Variants in ZEB2 observed in about 807,000 individuals in gnomAD.
ZEB2 encodes the protein zinc finger E-box binding homeobox 2, also known as zinc finger E-box-binding homeobox 2.
A neutral mutation model predicts 99.9 loss-of-function variants in ZEB2; 6 were observed. That is an observed-to-expected ratio of 0.06 (90% confidence interval 0.03 to 0.12). ZEB2 has a LOEUF of 0.12. Ranked by LOEUF, ZEB2 falls within the 10% of genes least tolerant of loss-of-function variation. The pLI, the probability that ZEB2 is intolerant of heterozygous loss-of-function variation, is 1.00. For synonymous variants in ZEB2, 517 were observed against 542.5 expected, an observed-to-expected ratio of 0.95 and a Z score of 0.65; for missense variants, 969 against 1,502.8, an observed-to-expected ratio of 0.64 and a Z score of 5.87.
intron 2 of ZEB2, among the ~76,000 whole-genome samples, chr2:144,499,435 C>T (rs183133053): frequency 1.2e-4 from 19 of 152,194 alleles, no homozygotes; most frequent in South Asian, 1.0e-3. Flanking sequence ...GCCAATAGAA[C>T]GCTTGAAATA....
At chr2:144,449,168 C>T (rs1037132643) in intron 2 of ZEB2, among the ~76,000 whole-genome samples, 15 of 152,186 alleles carry the variant, frequency 9.9e-5, no homozygotes, top group Non-Finnish European at 1.5e-4. Context: ...GGCAGCATCT[C>T]GTCCTGCAAA....
intron 2 of ZEB2, among the ~76,000 whole-genome samples, chr2:144,487,421 A>T (rs1704613927): frequency 6.6e-6 from 1 of 152,216 alleles, no homozygotes; most frequent in Admixed American, 6.5e-5. Flanking sequence ...TGAAAAGCTT[A>T]AAAAGATTGA....
intron 6 of ZEB2, among the ~76,000 whole-genome samples, chr2:144,402,527 G>C (rs1703327442): frequency 6.6e-6 from 1 of 152,122 alleles, no homozygotes; most frequent in African/African-American, 2.4e-5. Flanking sequence ...GCCCTCAGAG[G>C]ACTACTATAA....
chr2:144,389,506 C>G lies in ZEB2; in HGVS notation c.3590G>C (p.Gly1197Ala). 1.9e-6 allele frequency: 3 copies of G among 1,614,090 alleles called. No homozygotes were observed. The highest frequency in any genetic ancestry group is 2.5e-6 in the Non-Finnish European group (3 of 1,180,032). The part of the protein sequence containing the change: ...DHSMDDSSED[G>A]KMETKSDHEE... ...GTGGTCTGATTTGGTTTCCATTTTC[C>G]CATCCTCCGAACTATCGTCCATGGA... Residue 1197 changes from glycine (G) to alanine (A), a missense_variant, in exon 10 of 10, where the codon GGG (glycine) becomes GCG (alanine). Gly to Ala is a moderately conservative substitution (Grantham distance 60, BLOSUM62 0). Around this residue, in one of 8 missense-constraint regions of ZEB2, gnomAD observed 121 missense variants for 166.4 expected, o/e 0.73. Transcript: ENST00000627532. The surrounding 1 kb of genome is among the most constrained non-coding windows in gnomAD (Gnocchi z 6.8).
chr2:144,415,694 CTTTG>C (rs1226953897), intron 4 of ZEB2, among the ~76,000 whole-genome samples: 1 of 152,196 alleles, frequency 6.6e-6, no homozygotes, highest in East Asian at 1.9e-4. Flanking sequence ...TCATTTATTT[CTTTG>C]TTTATTTATT....
intron 4 of ZEB2, among the ~76,000 whole-genome samples, chr2:144,418,445 T>G (rs1170345917): frequency 6.6e-6 from 1 of 152,122 alleles, no homozygotes; most frequent in Non-Finnish European, 1.5e-5. Flanking sequence ...TCCCAGCACT[T>G]TGGGAGGCTG....
At chr2:144,478,540 T>A (rs1314199989) in intron 2 of ZEB2, among the ~76,000 whole-genome samples, 10 of 152,234 alleles carry the variant, frequency 6.6e-5, no homozygotes, top group Non-Finnish European at 1.5e-4. Flanking sequence ...GGCTACCAAG[T>A]TAATTCCTGA....
chr2:144,420,673 A>G (rs1011236235), intron 4 of ZEB2, among the ~76,000 whole-genome samples: 5 of 152,176 alleles, frequency 3.3e-5, no homozygotes, highest in African/African-American at 1.2e-4. Flanking sequence ...AGAGATGACC[A>G]CATTAAGGAA....
intron 4 of ZEB2, among the ~76,000 whole-genome samples, chr2:144,413,352 G>A (rs1177781198): frequency 6.6e-6 from 1 of 152,168 alleles, no homozygotes. Context: ...ATTTCTTGTG[G>A]GAACACTTGC....
chr2:144,517,825 T>C, intron 1 of ZEB2: 1 of 582,166 alleles, frequency 1.7e-6, no homozygotes. Flanking sequence ...TCATCTTTTC[T>C]CATCCCCCCA....
At chr2:144,429,623 C>G in intron 3 of ZEB2, 146 bp downstream of exon 3, 1 of 1,266,780 alleles carries the variant, frequency 7.9e-7, no homozygotes, top group Non-Finnish European at 1.1e-6. Context: ...CATAATCTGT[C>G]ACCAGCTTTG....
At chr2:144,497,275 A>ACAT (rs1226651066) in intron 2 of ZEB2, among the ~76,000 whole-genome samples, 2 of 152,118 alleles carry the variant, frequency 1.3e-5, no homozygotes, top group African/African-American at 4.8e-5. Context: ...GGCACTTGCC[A>ACAT]CATTTTCATC....
chr2:144,399,476 T>C lies in ZEB2; in HGVS notation c.1711A>G (p.Met571Val), dbSNP rs2149877101. 2 of 1,614,208 alleles carry C rather than the reference T, an allele frequency of 1.2e-6. No individual in the cohort carries two copies. Among genetic ancestry groups the C allele is most frequent in the Non-Finnish European group, 1.7e-6 (2 of 1,180,028 alleles). The change falls in exon 8 of 10, where the codon ATG (methionine) becomes GTG (valine). Residue 571 changes from methionine to valine, a missense_variant. Met to Val is a conservative substitution (Grantham distance 21). Coordinates refer to ENST00000627532, the MANE Select transcript of ZEB2 (RefSeq NM_014795.4). The surrounding 1 kb of genome is among the most constrained non-coding windows in gnomAD (Gnocchi z 5.6). ...TLIDLVTDDK[M>V]IENHNISTPF... The stretch of plus-strand genomic sequence containing the variant: ...GTGGATATGTTGTGGTTCTCAATCA[T>C]TTTGTCATCAGTGACCAAATCTATT...
intron 2 of ZEB2, among the ~76,000 whole-genome samples, chr2:144,453,864 C>G (rs527967579): frequency 4.2e-4 from 64 of 152,312 alleles, no homozygotes; most frequent in Admixed American, 3.5e-3. Flanking sequence ...CCAAAGGTAT[C>G]TGCCATTTAG....
chr2:144,404,143 G>A lies in ZEB2; in HGVS notation c.593-13C>T. ...CCAGGTGGCAGGTCTGTAGCCGAGA[G>A]ACAGAGAGAGAGAGAAGCGGGCCAA... is the stretch of plus-strand genomic sequence containing the variant. On this transcript the variant is annotated splice_polypyrimidine_tract_variant and intron_variant, in intron 5 of 9. Transcript: ENST00000627532. The A allele has an allele frequency of 6.2e-7, 1 of 1,613,660 alleles. No homozygotes were observed.
At chr2:144,518,806 G>T (rs2149936348) in intron 1 of ZEB2, 1 of 152,288 alleles carries the variant, frequency 6.6e-6, no homozygotes, top group East Asian at 1.9e-4. Flanking sequence ...GAAACAGCTG[G>T]CCTGTCTATA....
rs1487298232 is a variant in ZEB2 at position 144,387,815 on chromosome 2, A to T, written c.*1636T>A. 6.6e-6 allele frequency: 1 copy of T among 152,234 alleles called. No homozygotes were observed. Among genetic ancestry groups the T allele is most frequent in the Non-Finnish European group, 1.5e-5 (1 of 68,024 alleles). The allele number at this position is 152,234 out of a possible 1,614,324, so 9.4% of individuals were successfully genotyped here. ...TAAAAATACACAATCTGGAATCAGG[A>T]TCAGTTGAGAAAAGCTGTAAAATTG... On this transcript the variant is annotated 3_prime_UTR_variant, in exon 10 of 10. Transcript: ENST00000627532.
chr2:144,492,186 A>G (rs1490460114), intron 2 of ZEB2, among the ~76,000 whole-genome samples: 5 of 152,232 alleles, frequency 3.3e-5, no homozygotes, highest in African/African-American at 4.8e-5. Flanking sequence ...GATTAAGCGG[A>G]AAATAGCTAA....
At chr2:144,419,217 G>A (rs900712977) in intron 4 of ZEB2, among the ~76,000 whole-genome samples, 14 of 152,102 alleles carry the variant, frequency 9.2e-5, no homozygotes, top group Non-Finnish European at 1.9e-4. Context: ...TCTCATATGT[G>A]AAATAATTTA....
Sources: allele counts gnomAD v4.1 joint callset (sites outside exome capture counted in the v4.1 genomes callset), GRCh38; gene constraint gnomAD v4.1.1; regional missense constraint gnomAD v4.1.1; non-coding constraint Gnocchi (gnomAD v3.1); transcripts MANE v1.5; gene names NCBI Gene and HGNC (gene_info 2026-07-23, HGNC 2026-07-21).